Variants in TCF20 observed in about 807,000 individuals in gnomAD.
TCF20 encodes the protein transcription factor 20, also known as SPRE-binding protein.
A neutral mutation model predicts 148.6 loss-of-function variants in TCF20; 3 were observed. That is an observed-to-expected ratio of 0.02 (90% CI 0.01 to 0.05). The LOEUF (loss-of-function observed/expected upper bound fraction) is 0.05. Ranked by LOEUF, TCF20 falls within the 10% of genes least tolerant of loss-of-function variation. The probability of loss-of-function intolerance (pLI) is 1.00; values close to 1 mark genes in which losing one functional copy is unlikely to be tolerated. For missense variants in TCF20, 2,350 were observed against 2,429.3 expected (o/e 0.97, Z 0.69); for synonymous variants, 1,049 against 909.5 (o/e 1.15, Z -2.76).
intron 3 of TCF20, among the ~76,000 whole-genome samples, chr22:42,171,593 C>T (rs375259346): frequency 6.6e-6 from 1 of 152,168 alleles, no homozygotes; most frequent in African/African-American, 2.4e-5. Context: ...AGCCCCTCCC[C>T]CAGCAAGCAA....
chr22:42,224,002 A>T (rs1569162951), intron 1 of TCF20, among the ~76,000 whole-genome samples: 1 of 152,184 alleles, frequency 6.6e-6, no homozygotes, highest in Admixed American at 6.5e-5. Context: ...GCAACTCAGA[A>T]TTCGCAAGTC....
rs1259380573 is a variant in TCF20 at position 42,323,454 on chromosome 22, G to A, written c.-37+20025C>T. On this transcript the variant is annotated intron_variant, in intron 1 of 1. Coordinates refer to the TCF20 transcript ENST00000515426. ...ATCACAGGGAAGGGGGCACCTGTCA[G>A]CTGAGGGAACAGGAGGACGGTGGAA... Among the ~76,000 whole-genome samples, 3 of 151,782 alleles carry A rather than the reference G, an allele frequency of 2.0e-5. 1 individual carries two copies. Among genetic ancestry groups the A allele is most frequent in the African/African-American group, 7.2e-5 (3 of 41,392 alleles).
chr22:42,163,290 C>T (rs1183594593), intron 5 of TCF20, among the ~76,000 whole-genome samples: 2 of 152,220 alleles, frequency 1.3e-5, no homozygotes, highest in Non-Finnish European at 2.9e-5. Flanking sequence ...CCCTGGGGCG[C>T]GTGGTGGCCC....
rs1415825358 is a variant in TCF20 at position 42,215,239 on chromosome 22, C to T, written c.67G>A (p.Gly23Ser). Reference sequence around the variant, plus strand: ...CTGAACTCTTCTAGCCGGGATGAGCCGTGTACCTCCTGTGGGTAGCTTTGC... The same window carrying T: ...CTGAACTCTTCTAGCCGGGATGAGCTGTGTACCTCCTGTGGGTAGCTTTGC... ...NQQSYPQEVH[G>S]SSRLEEFSPR... is the part of the protein sequence containing the mutation. Residue 23 changes from glycine (G) to serine (S), a missense_variant, in exon 2 of 6, where the codon GGC (glycine) becomes AGC (serine). Gly to Ser is a moderately conservative substitution (Grantham distance 56). This residue lies in a region of TCF20 where 1,641 missense variants were observed against 1,662.6 expected (regional missense o/e 0.99). Transcript: ENST00000677622. The T allele has an allele frequency of 3.7e-6, 6 of 1,614,066 alleles. No individual in the cohort carries two copies. Among genetic ancestry groups the T allele is most frequent in the South Asian group, 1.1e-5 (1 of 91,084 alleles).
At chr22:42,199,305 G>A (rs764580002) in intron 2 of TCF20, among the ~76,000 whole-genome samples, 15 of 152,004 alleles carry the variant, frequency 9.9e-5, no homozygotes, top group Non-Finnish European at 2.2e-4. Flanking sequence ...CTTTTCCCAT[G>A]TTTCTTGCTC....
At position 42,292,718 on chromosome 22, in the gene TCF20, T is replaced by G. The variant is rs17002948; in HGVS notation, c.-37+50761A>C. 0.14 allele frequency among the ~76,000 whole-genome samples: 21,112 copies of G among 151,806 alleles called. 1,584 individuals carry two copies. Among genetic ancestry groups the G allele is most frequent in the South Asian group, 0.18 (851 of 4,794 alleles). ...CACCTGGGACACAGGACCCCACGGC[T>G]AGGAAGACAAGGCTCGGATTGGATT... On this transcript the variant is annotated intron_variant, in intron 1 of 1. Coordinates refer to the TCF20 transcript ENST00000515426. The surrounding 1 kb of genome is among the most constrained non-coding windows in gnomAD (Gnocchi z 4.9).
intron 3 of TCF20, among the ~76,000 whole-genome samples, chr22:42,173,920 TC>T (rs1444645880): frequency 2.0e-5 from 3 of 152,076 alleles, no homozygotes; most frequent in African/African-American, 7.3e-5. Context: ...GCCACCAACT[TC>T]TGTTAAATAG....
intron 2 of TCF20, among the ~76,000 whole-genome samples, chr22:42,208,217 C>T (rs1484877400): frequency 6.6e-6 from 1 of 151,666 alleles, no homozygotes; most frequent in Non-Finnish European, 1.5e-5. Flanking sequence ...ATTCAAAAAG[C>T]AAGAGAAACG....
chr22:42,182,471 G>A (rs921071291), intron 2 of TCF20, among the ~76,000 whole-genome samples: 9 of 152,140 alleles, frequency 5.9e-5, no homozygotes, highest in Non-Finnish European at 8.8e-5. Flanking sequence ...CACCATCCCG[G>A]TTTACAAGAG....
intron 2 of TCF20, among the ~76,000 whole-genome samples, chr22:42,208,454 T>C (rs960719893): frequency 7.2e-5 from 11 of 152,196 alleles, no homozygotes; most frequent in Admixed American, 3.9e-4. Flanking sequence ...CAGTGAGACC[T>C]TGTTTCTGCA....
intron 1 of TCF20, among the ~76,000 whole-genome samples, chr22:42,322,093 T>C (rs1927743173): frequency 6.6e-6 from 1 of 151,914 alleles, no homozygotes; most frequent in South Asian, 2.1e-4. Flanking sequence ...TGAGCAGGTA[T>C]TACGGCTGCT....
At chr22:42,220,198 T>C (rs954411046) in intron 1 of TCF20, among the ~76,000 whole-genome samples, 1 of 152,060 alleles carries the variant, frequency 6.6e-6, no homozygotes, top group Admixed American at 6.5e-5. Flanking sequence ...AAAGAGAGTC[T>C]CACTCTGTTG....
intron 1 of TCF20, among the ~76,000 whole-genome samples, chr22:42,262,673 G>T (rs1926091743): frequency 6.6e-6 from 1 of 151,892 alleles, no homozygotes; most frequent in South Asian, 2.1e-4. Flanking sequence ...TCTGGAGAAT[G>T]CCAATGGTCA....
Position 42,165,632 on chromosome 22 carries a change from C to T in TCF20, c.*44+2977G>A, listed in dbSNP as rs1736679197. Among the ~76,000 whole-genome samples, 3 of 152,232 alleles carry T rather than the reference C, an allele frequency of 2.0e-5. No individual in the cohort carries two copies. The South Asian group carries it at 6.2e-4, about 31-fold the overall frequency. ...GGAGGCAGGGGCGGCATCTTTTAAC[C>T]CCAAGCCTTGGGTATTTTTTGCTAT... On this transcript the variant is annotated intron_variant, in intron 5 of 5. Transcript: ENST00000677622.
intron 5 of TCF20, among the ~76,000 whole-genome samples, chr22:42,165,416 T>C (rs939940723): frequency 6.6e-6 from 1 of 152,218 alleles, no homozygotes; most frequent in African/African-American, 2.4e-5. Flanking sequence ...TGGGGCCTCC[T>C]TGTTTAATTC....
At chr22:42,183,420 G>A (rs189217189) in intron 2 of TCF20, among the ~76,000 whole-genome samples, 3 of 152,268 alleles carry the variant, frequency 2.0e-5, no homozygotes, top group Admixed American at 1.3e-4. Flanking sequence ...AAAAGCAAAC[G>A]ATTCCCCCCC....
At chr22:42,326,874 G>A (rs916354249) in intron 1 of TCF20, among the ~76,000 whole-genome samples, 19 of 152,354 alleles carry the variant, frequency 1.2e-4, no homozygotes, top group African/African-American at 4.6e-4. Context: ...GAGCCGGAGC[G>A]CTGGGCACAA....
At chr22:42,217,825 T>C (rs1054843236) in intron 1 of TCF20, among the ~76,000 whole-genome samples, 12 of 152,170 alleles carry the variant, frequency 7.9e-5, no homozygotes, top group Admixed American at 4.6e-4. Flanking sequence ...AAAGTAAATA[T>C]TGATTAGAGC....
chr22:42,307,038 TAAAAAAAA>T (rs5845532), intron 1 of TCF20, among the ~76,000 whole-genome samples: 72 of 92,762 alleles, frequency 7.8e-4, no homozygotes, highest in African/African-American at 2.9e-3. Flanking sequence ...GACTCTGTCT[TAAAAAAAA>T]AAAAAAAAAA....
Sources: gnomAD v4.1 joint callset for allele counts (sites outside exome capture counted in the v4.1 genomes callset) on GRCh38, gnomAD v4.1.1 for gene constraint, gnomAD v4.1.1 regional missense constraint, Gnocchi (gnomAD v3.1) non-coding constraint, MANE v1.5 for transcripts, NCBI Gene and HGNC (gene_info 2026-07-23, HGNC 2026-07-21) for gene names.